The following FGF11 variants were observed in gnomAD, a reference collection of about 807,000 sequenced individuals.
FGF11 encodes fibroblast growth factor homologous factor 3.
FGF11 carries 25 observed loss-of-function variants against 25.1 expected under a neutral mutation model. That is an observed-to-expected ratio of 1.00 (90% CI 0.73 to 1.39). The LOEUF is 1.39. Among genes scored for constraint, FGF11 ranks in the 40% most tolerant of loss-of-function variants. FGF11 has a pLI of 0.00. For missense variants in FGF11, 320 were observed against 311.0 expected (o/e 1.03, Z -0.22); for synonymous variants, 130 against 128.9 (o/e 1.01, Z -0.06).
Position 7,441,746 on chromosome 17 carries a change from G to C in FGF11, c.305-30G>C, listed in dbSNP as rs946165175. ...AGCTCAGGTGAGGGTCAGAGGCCTGGGTATTGATGCTCCCTCTCTCCACCT... is the reference window on the plus strand; with the variant it reads ...AGCTCAGGTGAGGGTCAGAGGCCTGCGTATTGATGCTCCCTCTCTCCACCT... On this transcript the variant is annotated intron_variant, in intron 2 of 4. Transcript: ENST00000293829. The C allele has an allele frequency of 5.7e-6, 9 of 1,574,276 alleles. No homozygotes were observed. In the African/African-American group the frequency reaches 1.2e-4, roughly 21 times the overall value.
chr17:7,441,250 C>A, intron 1 of FGF11: 2 of 532,860 alleles, frequency 3.8e-6, no homozygotes, highest in Non-Finnish European at 6.6e-6. Flanking sequence ...CAATAAATTA[C>A]ACTGAAAGCT....
At position 7,440,642 on chromosome 17, in the gene FGF11, G is replaced by A. The variant is rs1908278428; in HGVS notation, c.193+829G>A. 1 of 984,876 alleles carries A rather than the reference G, an allele frequency of 1.0e-6. No homozygotes were observed. The highest frequency in any genetic ancestry group is 1.8e-5 in the African/African-American group (1 of 57,114). The allele number at this position is 984,876 out of a possible 1,614,324, so 61.0% of individuals were successfully genotyped here. On this transcript the variant is annotated intron_variant, in intron 1 of 4. Coordinates refer to ENST00000293829, the MANE Select transcript of FGF11 (RefSeq NM_004112.4). The surrounding 1 kb of genome is among the most constrained non-coding windows in gnomAD (Gnocchi z 5.4). ...GTACGACAGTCAGGGAGTCCCTCTGGCCCTGCTCCCGCCCGCTCCCAGCTC... is the reference window on the plus strand; with the variant it reads ...GTACGACAGTCAGGGAGTCCCTCTGACCCTGCTCCCGCCCGCTCCCAGCTC...
In FGF11 at chr17:7,443,192, G is replaced by A; in HGVS notation, c.*46G>A. 1.6e-6 allele frequency: 2 copies of A among 1,217,266 alleles called. No homozygotes were observed. The highest frequency in any genetic ancestry group is 4.7e-5 in the East Asian group (2 of 42,982). 75.4% of individuals were successfully genotyped at this position (1,217,266 alleles called of 1,614,324 possible). On this transcript the variant is annotated 3_prime_UTR_variant, in exon 5 of 5. Coordinates refer to ENST00000293829, the MANE Select transcript of FGF11 (RefSeq NM_004112.4). ...GGTTCCCTGCACTCCCAGTGAGCCA[G>A]CCACCACCACAACCTGTCTCCCAGT... is the stretch of plus-strand genomic sequence containing the variant.
In FGF11 at chr17:7,443,292, C is replaced by T; in HGVS notation, c.*146C>T. ...ACTAGGTGCTCTACCCTGAGGGAGC[C>T]TAGGGGCTGACTGTGACTTCCGAGG... On this transcript the variant is annotated 3_prime_UTR_variant, in exon 5 of 5. Coordinates refer to ENST00000293829, the MANE Select transcript of FGF11 (RefSeq NM_004112.4). The T allele has an allele frequency of 1.7e-6, 1 of 591,046 alleles. No homozygotes were observed. Among genetic ancestry groups the T allele is most frequent in the Non-Finnish European group, 3.0e-6 (1 of 334,228 alleles). 36.6% of individuals were successfully genotyped at this position (591,046 alleles called of 1,614,324 possible).
upstream of FGF11, chr17:7,439,467 G>T (rs560464724): frequency 1.1e-4 from 61 of 537,446 alleles, no homozygotes; most frequent in South Asian, 6.7e-4. Context: ...GGTACGTGAG[G>T]GGGGGGGTCT....
chr17:7,441,986 A>G, intron 3 of FGF11, 107 bp downstream of exon 3: 1 of 807,328 alleles, frequency 1.2e-6, no homozygotes, highest in South Asian at 1.9e-5. Flanking sequence ...TTTGCCCGGG[A>G]CTCCTCCCTC....
chr17:7,441,477 A>G lies in FGF11; in HGVS notation c.200A>G (p.Gln67Arg), dbSNP rs1214795707. 2 of 1,613,992 alleles carry G rather than the reference A, an allele frequency of 1.2e-6. No homozygotes were observed. The highest frequency in any genetic ancestry group is 1.3e-5 in the African/African-American group (1 of 74,888). Residue 67 changes from glutamine (Q) to arginine (R), a missense_variant, in exon 2 of 5, where the codon CAG (glutamine) becomes CGG (arginine). Gln to Arg is a conservative substitution (Grantham distance 43). Transcript: ENST00000293829. The part of the protein sequence containing the change: ...PARPDRGPEP[Q>R]LKGIVTKLFC... ...TGAATGTCTCTCTCTCCAGAGCCTC[A>G]GCTCAAAGGCATCGTCACCAAACTG...
In FGF11 at chr17:7,440,804, C is replaced by G. The variant is rs1327424261; in HGVS notation, c.194-667C>G. On this transcript the variant is annotated intron_variant, in intron 1 of 4. Transcript: ENST00000293829. The surrounding 1 kb of genome is among the most constrained non-coding windows in gnomAD (Gnocchi z 5.4). Reference sequence around the variant, plus strand: ...CCTCTCCATCTCCTCAGCTCCCACCCCCCATATCCTTGGTAAGGTCCCCCT... The same window carrying G: ...CCTCTCCATCTCCTCAGCTCCCACCGCCCATATCCTTGGTAAGGTCCCCCT... The G allele has an allele frequency of 4.1e-6, 4 of 987,602 alleles. No homozygotes were observed. Among genetic ancestry groups the G allele is most frequent in the Non-Finnish European group, 4.8e-6 (4 of 831,362 alleles). 61.2% of individuals were successfully genotyped at this position (987,602 alleles called of 1,614,324 possible).
Position 7,442,685 on chromosome 17 carries a change from C to T in FGF11, c.500C>T (p.Ser167Phe). 6.2e-7 allele frequency: 1 copy of T among 1,614,182 alleles called. No homozygotes were observed. Among genetic ancestry groups the T allele is most frequent in the Non-Finnish European group, 8.5e-7 (1 of 1,180,034 alleles). ...TCTGCTCTCTACCGCCAGCGTCGTTCTGGCCGGGCCTGGTACCTCGGCCTG... is the reference window on the plus strand; with the variant it reads ...TCTGCTCTCTACCGCCAGCGTCGTTTTGGCCGGGCCTGGTACCTCGGCCTG... ...YASALYRQRR[S>F]GRAWYLGLDK... The change falls in exon 4 of 5, where the codon TCT becomes TTT. Residue 167 changes from serine to phenylalanine, a missense_variant. Physicochemically the swap from Ser to Phe is radical, Grantham distance 155. Coordinates refer to ENST00000293829, the MANE Select transcript of FGF11 (RefSeq NM_004112.4).
chr17:7,439,520 G>T lies in FGF11; in HGVS notation c.-101G>T. 1.0e-6 allele frequency: 1 copy of T among 986,958 alleles called. No individual in the cohort carries two copies. Among genetic ancestry groups the T allele is most frequent in the Non-Finnish European group, 1.4e-6 (1 of 720,958 alleles). 61.1% of individuals were successfully genotyped at this position (986,958 alleles called of 1,614,324 possible). On this transcript the variant is annotated 5_prime_UTR_variant, in exon 1 of 5. Coordinates refer to ENST00000293829, the MANE Select transcript of FGF11 (RefSeq NM_004112.4). ...CCTGTGGGTGGGGCAGCGAGTCGGG[G>T]CCTGAGCGTCAAGAGCATGCCCTAG...
chr17:7,439,833 G>C lies in FGF11; in HGVS notation c.193+20G>C. ...GCCCGGGTGAGTGCGGCTGGGGCGG[G>C]GTCTCCCGGCCAGAGGTTTCTCTGC... On this transcript the variant is annotated intron_variant, in intron 1 of 4. Transcript: ENST00000293829. 1.4e-6 allele frequency: 2 copies of C among 1,406,788 alleles called. No homozygotes were observed. Among genetic ancestry groups the C allele is most frequent in the Non-Finnish European group, 1.8e-6 (2 of 1,086,350 alleles). The allele number at this position is 1,406,788 out of a possible 1,614,324, so 87.1% of individuals were successfully genotyped here.
rs779030552 is a variant in FGF11 at position 7,443,120 on chromosome 17, T to C, written c.652T>C (p.Ser218Pro). Reference sequence around the variant, plus strand: ...TTCTCTCCACAGTGTCCCCGAGGCCTCCCCTTCCAGTCCCCCTGCCCCCTG... The same window carrying C: ...TTCTCTCCACAGTGTCCCCGAGGCCCCCCCTTCCAGTCCCCCTGCCCCCTG... ...EPSLHSVPEA[S>P]PSSPPAP The change falls in exon 5 of 5, where the codon TCC becomes CCC. Residue 218 changes from serine (S) to proline (P), a missense_variant. Ser to Pro is a moderately conservative substitution (Grantham distance 74). Transcript: ENST00000293829. 1.2e-6 allele frequency: 2 copies of C among 1,610,534 alleles called. No homozygotes were observed. Among genetic ancestry groups the C allele is most frequent in the South Asian group, 2.2e-5 (2 of 90,894 alleles).
chr17:7,441,365 C>A (rs1312164560), intron 1 of FGF11, 106 bp from the exon 2 acceptor site: 6 of 1,484,950 alleles, frequency 4.0e-6, no homozygotes, highest in Non-Finnish European at 4.5e-6. Flanking sequence ...CCCTGGGACC[C>A]TCTTCCTTCC....
chr17:7,442,648 G>A lies in FGF11; in HGVS notation c.463G>A (p.Val155Ile), dbSNP rs150878424. 1.7e-5 allele frequency: 28 copies of A among 1,613,998 alleles called. No homozygotes were observed. Among genetic ancestry groups the A allele is most frequent in the African/African-American group, 4.0e-5 (3 of 74,892 alleles). Residue 155 changes from valine to isoleucine, a missense_variant, in exon 4 of 5, where the codon GTC (valine) becomes ATC (isoleucine). Val to Ile is a conservative substitution (Grantham distance 29). Coordinates refer to ENST00000293829, the MANE Select transcript of FGF11 (RefSeq NM_004112.4). ...FKECVFENYYVLYASALYRQR... is the reference protein window; with the variant it reads ...FKECVFENYYILYASALYRQR... ...GGAGTGTGTCTTTGAGAATTACTAC[G>A]TCCTGTACGCCTCTGCTCTCTACCG...
upstream of FGF11, chr17:7,439,467 G>C (rs560464724): frequency 2.4e-5 from 13 of 537,448 alleles, no homozygotes; most frequent in South Asian, 1.2e-4. Context: ...GGTACGTGAG[G>C]GGGGGGGTCT....
rs545508579 is a variant in FGF11, at chr17:7,444,892, G to A, written c.*1746G>A. On this transcript the variant is annotated 3_prime_UTR_variant, in exon 5 of 5. Coordinates refer to ENST00000293829, the MANE Select transcript of FGF11 (RefSeq NM_004112.4). ...CCTGGCACTGCTCCCAGGGGATCGG[G>A]TCTCCACTCCAGCTTTCTCAATTAA... 25 of 598,286 alleles carry A rather than the reference G, an allele frequency of 4.2e-5. No homozygotes were observed. In the African/African-American group the frequency reaches 4.3e-4, roughly 10 times the overall value. 37.1% of individuals were successfully genotyped at this position (598,286 alleles called of 1,614,324 possible).
At position 7,440,079 on chromosome 17, in the gene FGF11, C is replaced by T. The variant is rs1044714255; in HGVS notation, c.193+266C>T. 2 of 375,874 alleles carry T rather than the reference C, an allele frequency of 5.3e-6. No homozygotes were observed. The highest frequency in any genetic ancestry group is 4.6e-5 in the Admixed American group (1 of 21,726). 23.3% of individuals were successfully genotyped at this position (375,874 alleles called of 1,614,324 possible). ...AGCCTCGTAGTTCCTGCTCGTCCCC[C>T]CTTCCCAACACAGCAGTCCCCACCC... is the stretch of plus-strand genomic sequence containing the variant. On this transcript the variant is annotated intron_variant, in intron 1 of 4. Coordinates refer to ENST00000293829, the MANE Select transcript of FGF11 (RefSeq NM_004112.4). This position sits in a 1 kb window ranked among gnomAD's most constrained non-coding sequence, Gnocchi z 5.4.
At chr17:7,441,236 A>C in intron 1 of FGF11, 2 of 511,318 alleles carry the variant, frequency 3.9e-6, no homozygotes, top group South Asian at 4.4e-5. Context: ...ATTTAAATAA[A>C]TTTCAATAAA....
chr17:7,438,723 C>T (rs1005060154), upstream of FGF11, among the ~76,000 whole-genome samples: 2 of 152,108 alleles, frequency 1.3e-5, no homozygotes, highest in East Asian at 3.8e-4. Context: ...ATCTAAACAG[C>T]ACCAGCTGTC....
Sources: gnomAD v4.1 joint callset for allele counts (sites outside exome capture counted in the v4.1 genomes callset) on GRCh38, gnomAD v4.1.1 for gene constraint, Gnocchi (gnomAD v3.1) non-coding constraint, MANE v1.5 for transcripts, NCBI Gene and HGNC (gene_info 2026-07-23, HGNC 2026-07-21) for gene names.